The following SLC26A8 variants were observed in gnomAD, a reference collection of about 807,000 sequenced individuals.
SLC26A8 encodes testis anion transporter 1.
Under a neutral mutation model 105.0 loss-of-function variants are expected in SLC26A8, and 70 were observed. The observed-to-expected ratio is 0.67, with a 90% CI of 0.55 to 0.81. The LOEUF is 0.81. Ranked by LOEUF, SLC26A8 falls within the 40% of genes least tolerant of loss-of-function variation. SLC26A8 has a pLI of 0.00. For synonymous variants in SLC26A8, 415 were observed against 438.3 expected (o/e 0.95, Z 0.66); for missense variants, 998 against 1,181.8 (o/e 0.84, Z 2.28).
At chr6:35,994,197 C>G (rs142562226) in intron 5 of SLC26A8, among the ~76,000 whole-genome samples, 15,025 of 144,130 alleles carry the variant, frequency 0.1, 908 homozygotes, top group Middle Eastern at 0.17. Context: ...TCACTGCAAT[C>G]TCCACCTCCC....
intron 2 of SLC26A8, among the ~76,000 whole-genome samples, chr6:36,014,870 T>TA (rs1337901848): frequency 2.0e-5 from 3 of 149,086 alleles, no homozygotes; most frequent in African/African-American, 7.4e-5. Flanking sequence ...TGGCTCAAAA[T>TA]AAAAAAAAAG....
In SLC26A8 at chr6:36,019,534, G is replaced by T; in HGVS notation, c.174C>A (p.His58Gln). The T allele has an allele frequency of 6.2e-7, 1 of 1,613,448 alleles. No individual in the cohort carries two copies. Among genetic ancestry groups the T allele is most frequent in the Non-Finnish European group, 8.5e-7 (1 of 1,179,888 alleles). The change falls in exon 2 of 20, where the codon CAC becomes CAA. Residue 58 changes from histidine to glutamine, a missense_variant. By Grantham distance (24) the His-to-Gln change is conservative. Coordinates refer to ENST00000490799, the MANE Select transcript of SLC26A8 (RefSeq NM_052961.4). The part of the protein sequence containing the change: ...NMNINITTFR[H>Q]HVQCRCSWHR... ...GACACACGCACCGGCACTGGACGTGGTGTCTGAAGGTGGTGATGTTGATGT... is the reference window on the plus strand; with the variant it reads ...GACACACGCACCGGCACTGGACGTGTTGTCTGAAGGTGGTGATGTTGATGT...
Position 35,968,947 on chromosome 6 carries a change from G to C in SLC26A8, c.1295C>G (p.Ser432Cys), listed in dbSNP as rs1236678090. ...CAGCATCACACCTGCGCCTACCAGAGATGCAAACTGAGGAGACAGAGCCAG... is the reference window on the plus strand; with the variant it reads ...CAGCATCACACCTGCGCCTACCAGACATGCAAACTGAGGAGACAGAGCCAG... The part of the protein sequence containing the change: ...DKSGGRQQFA[S>C]LVGAGVMLLL... Residue 432 changes from serine to cysteine, a missense_variant, in exon 11 of 20, where the codon TCT becomes TGT. Ser to Cys is a moderately radical substitution (Grantham distance 112). Transcript: ENST00000490799. The C allele has an allele frequency of 1.9e-6, 3 of 1,611,748 alleles. No individual in the cohort carries two copies. The South Asian group carries it at 3.3e-5, about 18-fold the overall frequency.
At chr6:35,966,978 T>C (rs759150371) in intron 11 of SLC26A8, among the ~76,000 whole-genome samples, 1 of 152,220 alleles carries the variant, frequency 6.6e-6, no homozygotes, top group Non-Finnish European at 1.5e-5. Flanking sequence ...TTCATTTAGT[T>C]GTAAAGAAAA....
chr6:36,024,200 G>A (rs1762200984), intron 1 of SLC26A8: 1 of 283,840 alleles, frequency 3.5e-6, no homozygotes. Context: ...GTGGGGTGCA[G>A]GTAGCACGTC....
intron 3 of SLC26A8, among the ~76,000 whole-genome samples, chr6:36,003,340 T>A (rs1198571912): frequency 6.6e-6 from 1 of 152,216 alleles, no homozygotes; most frequent in African/African-American, 2.4e-5. Flanking sequence ...CTGATACACA[T>A]CATGTGATTC....
intron 7 of SLC26A8, among the ~76,000 whole-genome samples, chr6:35,987,907 CTTTCT>C (rs1773587870): frequency 9.2e-6 from 1 of 108,148 alleles, no homozygotes; most frequent in South Asian, 3.2e-4. Flanking sequence ...AGCAACCTTT[CTTTCT>C]TTTTTTTTTT....
intron 16 of SLC26A8, among the ~76,000 whole-genome samples, chr6:35,958,097 C>A (rs1211892635): frequency 6.6e-6 from 1 of 152,204 alleles, no homozygotes; most frequent in Non-Finnish European, 1.5e-5. Context: ...TCCTACCCAA[C>A]TTCAATCTAA....
At chr6:36,020,818 T>C (rs1435980498) in intron 1 of SLC26A8, among the ~76,000 whole-genome samples, 1 of 152,194 alleles carries the variant, frequency 6.6e-6, no homozygotes, top group East Asian at 1.9e-4. Flanking sequence ...CACATACCTA[T>C]AAAATATATT....
intron 11 of SLC26A8, among the ~76,000 whole-genome samples, chr6:35,964,486 CAAATACA>C (rs1772426045): frequency 6.6e-6 from 1 of 151,862 alleles, no homozygotes; most frequent in Non-Finnish European, 1.5e-5. Flanking sequence ...GTCTCTACTA[CAAATACA>C]AAAATTAGCC....
intron 19 of SLC26A8, among the ~76,000 whole-genome samples, chr6:35,949,009 C>T (rs1771768838): frequency 1.3e-5 from 2 of 152,140 alleles, no homozygotes; most frequent in South Asian, 2.1e-4. Context: ...TTGGACTTCT[C>T]GCATTCAGAA....
intron 8 of SLC26A8, among the ~76,000 whole-genome samples, chr6:35,978,149 A>G (rs529210340): frequency 1.4e-3 from 193 of 141,236 alleles, no homozygotes; most frequent in African/African-American, 5.5e-3. Flanking sequence ...ACAAGAAGAA[A>G]AAAAAAAAAA....
At position 35,991,440 on chromosome 6, in the gene SLC26A8, C is replaced by G. The variant is rs1455911676; in HGVS notation, c.942+219G>C. Reference sequence around the variant, plus strand: ...AAAAAAACTTGATTTAAACATTTCACTATGTATATCAGAATATCACATCAT... The same window carrying G: ...AAAAAAACTTGATTTAAACATTTCAGTATGTATATCAGAATATCACATCAT... On this transcript the variant is annotated intron_variant, in intron 7 of 19. Coordinates refer to ENST00000490799, the MANE Select transcript of SLC26A8 (RefSeq NM_052961.4). Among the ~76,000 whole-genome samples, 2 of 150,550 alleles carry G rather than the reference C, an allele frequency of 1.3e-5. 1 individual carries two copies. Among genetic ancestry groups the G allele is most frequent in the Admixed American group, 1.3e-4 (2 of 15,114 alleles).
chr6:35,987,592 C>T (rs193039038), intron 7 of SLC26A8, among the ~76,000 whole-genome samples: 16 of 152,254 alleles, frequency 1.1e-4, no homozygotes, highest in Admixed American at 7.8e-4. Flanking sequence ...AGGATGGTCT[C>T]AATCTCCTGA....
At chr6:35,951,073 C>T in intron 19 of SLC26A8, 90 bp downstream of exon 19, 2 of 1,278,630 alleles carry the variant, frequency 1.6e-6, no homozygotes, top group South Asian at 1.3e-5. Context: ...GATCAGGAAT[C>T]CTGACTCCCA....
intron 11 of SLC26A8, among the ~76,000 whole-genome samples, chr6:35,968,607 G>GTATATATATATATA (rs1462092309): frequency 1.3e-4 from 6 of 47,038 alleles, no homozygotes; most frequent in Admixed American, 2.6e-4. Context: ...GTGTGTGTGT[G>GTATATATATATATA]TGTATATATA....
At chr6:35,980,277 T>C (rs985053732) in intron 8 of SLC26A8, among the ~76,000 whole-genome samples, 2 of 152,060 alleles carry the variant, frequency 1.3e-5, no homozygotes, top group African/African-American at 4.8e-5. Context: ...CCAGCCTGGC[T>C]GTGTGGTTTT....
At chr6:35,962,350 G>A (rs1381450342) in intron 12 of SLC26A8, among the ~76,000 whole-genome samples, 176 bp downstream of exon 12, 2 of 152,074 alleles carry the variant, frequency 1.3e-5, no homozygotes, top group Non-Finnish European at 2.9e-5. Context: ...TGAGGTCTTC[G>A]TGTTTTCATG....
chr6:36,014,016 T>C (rs1036515286), intron 2 of SLC26A8, among the ~76,000 whole-genome samples: 1 of 152,218 alleles, frequency 6.6e-6, no homozygotes, highest in Non-Finnish European at 1.5e-5. Flanking sequence ...AATTTCCTAT[T>C]GGCAGCTGTG....
Sources: gnomAD v4.1 joint callset for allele counts (sites outside exome capture counted in the v4.1 genomes callset) on GRCh38, gnomAD v4.1.1 for gene constraint, MANE v1.5 for transcripts, NCBI Gene and HGNC (gene_info 2026-07-23, HGNC 2026-07-21) for gene names.